Variants in PLCE1 observed in about 807,000 individuals in gnomAD.
The protein encoded by PLCE1 is 1-phosphatidylinositol 4,5-bisphosphate phosphodiesterase epsilon-1.
A neutral mutation model predicts 242.8 loss-of-function variants in PLCE1; 119 were observed. The observed-to-expected ratio is 0.49, with a 90% confidence interval of 0.42 to 0.57. PLCE1 has a LOEUF of 0.57. PLCE1 is among the 20% of genes least tolerant of loss of function. PLCE1 has a pLI of 0.00. For synonymous variants in PLCE1, 945 were observed against 1,017.4 expected (o/e 0.93, Z 1.35); for missense variants, 2,441 against 2,788.8 (o/e 0.88, Z 2.81).
intron 1 of PLCE1, among the ~76,000 whole-genome samples, chr10:94,021,237 T>G (rs1200471416): frequency 6.6e-6 from 1 of 151,710 alleles, no homozygotes; most frequent in Non-Finnish European, 1.5e-5. Flanking sequence ...AATGGTTTTT[T>G]TTTTTTTTTT....
At chr10:94,324,666 C>T in intron 31 of PLCE1, 99 bp downstream of exon 31, 1 of 1,114,966 alleles carries the variant, frequency 9.0e-7, no homozygotes, top group Non-Finnish European at 1.4e-6. Context: ...GGAGAAAGTT[C>T]CTGAGTCAAG....
At chr10:94,290,595 T>C (rs1463633019) in intron 22 of PLCE1, among the ~76,000 whole-genome samples, 1 of 151,822 alleles carries the variant, frequency 6.6e-6, no homozygotes, top group Admixed American at 6.6e-5. Flanking sequence ...CATGGAGCTA[T>C]CATCTCCCAT....
At chr10:94,060,060 C>A (rs2044007071) in intron 2 of PLCE1, among the ~76,000 whole-genome samples, 1 of 152,096 alleles carries the variant, frequency 6.6e-6, no homozygotes, top group Non-Finnish European at 1.5e-5. Context: ...TCCACATGGA[C>A]AGGTCTTTAA....
intron 28 of PLCE1, among the ~76,000 whole-genome samples, chr10:94,314,011 C>T (rs2053481061): frequency 6.6e-6 from 1 of 152,128 alleles, no homozygotes; most frequent in Admixed American, 6.5e-5. Context: ...TACCCCAAGC[C>T]CTGTAGCAGA....
chr10:94,261,120 A>C (rs2051281233), intron 13 of PLCE1, among the ~76,000 whole-genome samples: 1 of 152,138 alleles, frequency 6.6e-6, no homozygotes, highest in African/African-American at 2.4e-5. Context: ...CACTGCCCTG[A>C]AAGTTCCTTA....
chr10:94,011,694 A>G (rs548467337), intron 1 of PLCE1, among the ~76,000 whole-genome samples: 1 of 152,340 alleles, frequency 6.6e-6, no homozygotes, highest in Admixed American at 6.5e-5. Flanking sequence ...CCAAATGAAT[A>G]TATAAAATTT....
rs1266883654 is a variant in PLCE1 at position 94,246,415 on chromosome 10, A to G, written c.2890A>G (p.Ser964Gly). ...TGTGTGTGTTCAGAACAAACTGGGT[A>G]GCATGTTCCTGTCAGAGACTGGTGT... ...HTVCVQNKLG[S>G]MFLSETGVTL... Residue 964 changes from serine to glycine, a missense_variant, in exon 8 of 33, where the codon AGC (serine) becomes GGC (glycine). This residue lies in a region of PLCE1 where 1,004 missense variants were observed against 1,322.7 expected (regional missense o/e 0.76). Transcript: ENST00000371380. 6.2e-7 allele frequency: 1 copy of G among 1,614,180 alleles called. No individual in the cohort carries two copies. Among genetic ancestry groups the G allele is most frequent in the South Asian group, 1.1e-5 (1 of 91,088 alleles).
In PLCE1 at chr10:94,084,305, G is replaced by A. The variant is rs189777799; in HGVS notation, c.1207-47869G>A. On this transcript the variant is annotated intron_variant, in intron 2 of 32. Coordinates refer to ENST00000371380, the MANE Select transcript of PLCE1 (RefSeq NM_016341.4). ...TGAAAGGGGCTGCCATAGCTTTGCC[G>A]TTTCCCCTAAGGAAGGGCCTGAGGG... Among the ~76,000 whole-genome samples the A allele has an allele frequency of 1.3e-3, 199 of 152,300 alleles. 1 individual carries two copies. Among genetic ancestry groups the A allele is most frequent in the African/African-American group, 4.0e-3 (165 of 41,558 alleles).
intron 24 of PLCE1, among the ~76,000 whole-genome samples, chr10:94,301,279 G>T (rs767647328): frequency 7.9e-5 from 12 of 151,994 alleles, no homozygotes; most frequent in Admixed American, 1.3e-4. Flanking sequence ...AGGAGGCAAA[G>T]GTTGCAGTGA....
At chr10:94,042,346 A>ATCTTT (rs1564642709) in intron 2 of PLCE1, among the ~76,000 whole-genome samples, 1 of 152,108 alleles carries the variant, frequency 6.6e-6, no homozygotes, top group Non-Finnish European at 1.5e-5. Flanking sequence ...CTTGTCTTTT[A>ATCTTT]TCTTTTCTTT....
At chr10:94,132,767 G>A (rs1326193538) in intron 3 of PLCE1, among the ~76,000 whole-genome samples, 1 of 152,048 alleles carries the variant, frequency 6.6e-6, no homozygotes, top group Admixed American at 6.5e-5. Flanking sequence ...TGGCCAACAC[G>A]GTGGAACACC....
chr10:94,227,361 G>A lies in PLCE1; in HGVS notation c.1865G>A (p.Arg622Gln), dbSNP rs376708637. ...ACGGCAGGCTCCATGGAGGAGAAGCGAGAAGTCTTTTCATATTTGGTGCAT... is the reference window on the plus strand; with the variant it reads ...ACGGCAGGCTCCATGGAGGAGAAGCAAGAAGTCTTTTCATATTTGGTGCAT... Reference protein sequence around the residue: ...ILTAGSMEEKREVFSYLVHVA... With the variant: ...ILTAGSMEEKQEVFSYLVHVA... Residue 622 changes from arginine (R) to glutamine (Q), a missense_variant, in exon 5 of 33, where the codon CGA (arginine) becomes CAA (glutamine). This residue lies in a region of PLCE1 where 733 missense variants were observed against 754.2 expected (regional missense o/e 0.97). Transcript: ENST00000371380. 1.4e-5 allele frequency: 22 copies of A among 1,613,940 alleles called. No homozygotes were observed. The highest frequency in any genetic ancestry group is 2.2e-5 in the South Asian group (2 of 91,088).
intron 2 of PLCE1, among the ~76,000 whole-genome samples, chr10:94,064,446 G>A (rs1459189075): frequency 1.3e-5 from 2 of 152,176 alleles, no homozygotes; most frequent in Non-Finnish European, 1.5e-5. Context: ...GGAGGCTGAG[G>A]TGGGAGAATC....
chr10:94,255,621 G>A (rs1178241934), intron 11 of PLCE1, among the ~76,000 whole-genome samples: 1 of 152,112 alleles, frequency 6.6e-6, no homozygotes, highest in East Asian at 1.9e-4. Flanking sequence ...CATGTCTAGA[G>A]GAATGAATTC....
intron 2 of PLCE1, among the ~76,000 whole-genome samples, chr10:94,117,747 GTCACAC>G: frequency 6.6e-6 from 1 of 152,186 alleles, no homozygotes; most frequent in African/African-American, 2.4e-5. Context: ...ATTATGTGTA[GTCACAC>G]CTGCATTGTG....
At chr10:94,034,331 C>T (rs1480051582) in intron 2 of PLCE1, among the ~76,000 whole-genome samples, 2 of 152,160 alleles carry the variant, frequency 1.3e-5, no homozygotes, top group Non-Finnish European at 2.9e-5. Flanking sequence ...CAACAAATGC[C>T]AGATATTGGG....
intron 30 of PLCE1, among the ~76,000 whole-genome samples, chr10:94,323,132 C>G (rs1171476501): frequency 6.6e-6 from 1 of 152,170 alleles, no homozygotes; most frequent in East Asian, 1.9e-4. Flanking sequence ...CCAGTAGGTA[C>G]TGACCATCTC....
At chr10:94,213,428 G>C (rs2049411143) in intron 4 of PLCE1, among the ~76,000 whole-genome samples, 1 of 152,138 alleles carries the variant, frequency 6.6e-6, no homozygotes, top group Non-Finnish European at 1.5e-5. Context: ...TTCTCAGGGT[G>C]GCTGCCCTTT....
intron 2 of PLCE1, among the ~76,000 whole-genome samples, chr10:94,079,248 C>T (rs539262267): frequency 6.6e-6 from 1 of 152,204 alleles, no homozygotes; most frequent in East Asian, 1.9e-4. Context: ...AGCATTGGAG[C>T]AAATCTGAGG....
Sources: allele counts gnomAD v4.1 joint callset (sites outside exome capture counted in the v4.1 genomes callset), GRCh38; gene constraint gnomAD v4.1.1; regional missense constraint gnomAD v4.1.1; transcripts MANE v1.5; gene names NCBI Gene and HGNC (gene_info 2026-07-23, HGNC 2026-07-21).